TENM3: variants seen among roughly 807,000 people sequenced by gnomAD.
The protein encoded by TENM3 is teneurin transmembrane protein 3, also known as teneurin-3.
A neutral mutation model predicts 255.1 loss-of-function variants in TENM3; 63 were observed. The ratio of observed to expected loss-of-function variants is 0.25; its 90% CI spans 0.20 to 0.30. The LOEUF is 0.30. TENM3 is among the 10% of genes least tolerant of loss of function. The pLI, the probability that TENM3 is intolerant of heterozygous loss-of-function variation, is 1.00. For missense variants in TENM3, 2,929 were observed against 3,461.1 expected (o/e 0.85, Z 3.86); for synonymous variants, 1,306 against 1,322.3 (o/e 0.99, Z 0.27).
intron 1 of TENM3, among the ~76,000 whole-genome samples, chr4:182,296,299 C>T (rs1761493617): frequency 6.6e-6 from 1 of 152,184 alleles, no homozygotes; most frequent in Non-Finnish European, 1.5e-5. Context: ...CTCCAATATA[C>T]TTGTTTCACT....
the TENM3 span, among the ~76,000 whole-genome samples, chr4:181,972,407 C>G: frequency 6.8e-6 from 1 of 148,146 alleles, no homozygotes. Flanking sequence ...TGCACTCCAA[C>G]CCGGATGACA....
intron 13 of TENM3, among the ~76,000 whole-genome samples, chr4:182,726,002 A>G (rs976359358): frequency 2.3e-4 from 35 of 152,180 alleles, no homozygotes; most frequent in African/African-American, 8.2e-4. Context: ...TCAAATGGTT[A>G]ACAACTCATT....
In TENM3 at chr4:182,799,551, C is replaced by T. The variant is rs1766747975; in HGVS notation, c.7345-45C>T. On this transcript the variant is annotated intron_variant, in intron 27 of 27. Coordinates refer to ENST00000511685, the MANE Select transcript of TENM3 (RefSeq NM_001080477.4). The surrounding 1 kb of genome is among the most constrained non-coding windows in gnomAD (Gnocchi z 4.2). ...CGTGTGTGGGTCAGGAGTGGGGAGG[C>T]TCCCGGCCGCCTCTGACGCGCCCCC... 1.3e-5 allele frequency: 20 copies of T among 1,520,890 alleles called. No individual in the cohort carries two copies. The highest frequency in any genetic ancestry group is 1.7e-5 in the Non-Finnish European group (19 of 1,142,602). The allele number at this position is 1,520,890 out of a possible 1,614,324, so 94.2% of individuals were successfully genotyped here. A position where few individuals can be genotyped will look rare whatever the true frequency, so the allele number is the denominator to read the frequency against.
intron 27 of TENM3, 22 bp downstream of exon 27, chr4:182,796,789 G>A (rs780542144): frequency 1.6e-5 from 25 of 1,583,882 alleles, no homozygotes; most frequent in South Asian, 5.8e-5. Context: ...AAAGACCTAC[G>A]GAAAGGTGAT....
intron 1 of TENM3, among the ~76,000 whole-genome samples, chr4:182,168,683 T>G (rs1269243321): frequency 6.6e-6 from 1 of 152,246 alleles, no homozygotes; most frequent in Non-Finnish European, 1.5e-5. Context: ...CATAAAATTA[T>G]TATACTGTAT....
chr4:182,749,095 ATGCCACCACCACTGAAGC>A (rs529692685), intron 19 of TENM3, among the ~76,000 whole-genome samples: 1,604 of 152,238 alleles, frequency 0.011, 30 homozygotes, highest in African/African-American at 0.036. Flanking sequence ...GCTAAAGAGG[ATGCCACCACCACTGAAGC>A]TGCCACCTCA....
At chr4:182,474,968 G>C (rs980413058) in intron 3 of TENM3, among the ~76,000 whole-genome samples, 6 of 147,336 alleles carry the variant, frequency 4.1e-5, no homozygotes, top group African/African-American at 7.5e-5. Flanking sequence ...AGACCTACTC[G>C]TATCTACACA....
the TENM3 span, among the ~76,000 whole-genome samples, chr4:181,683,390 T>C: frequency 5.3e-3 from 814 of 152,272 alleles, 6 homozygotes; most frequent in African/African-American, 0.018. Flanking sequence ...TCCTAGATTA[T>C]GATGGGCCTC....
chr4:182,727,540 C>G (rs1228091547), intron 13 of TENM3, among the ~76,000 whole-genome samples: 1 of 151,894 alleles, frequency 6.6e-6, no homozygotes, highest in Admixed American at 6.6e-5. Flanking sequence ...TGATCATAAC[C>G]TGAAACACTC....
intron 6 of TENM3, among the ~76,000 whole-genome samples, chr4:182,661,300 A>C (rs1473008084): frequency 7.2e-6 from 1 of 139,282 alleles, no homozygotes; most frequent in Non-Finnish European, 1.5e-5. Context: ...ACCTGGGTTC[A>C]TGCCATTCTC....
the TENM3 span, among the ~76,000 whole-genome samples, chr4:182,053,479 T>C: frequency 6.6e-6 from 1 of 152,200 alleles, no homozygotes; most frequent in Non-Finnish European, 1.5e-5. Context: ...TAGGGCATTC[T>C]CATACTGCCT....
chr4:182,094,289 A>G, the TENM3 span, among the ~76,000 whole-genome samples: 1 of 151,492 alleles, frequency 6.6e-6, no homozygotes, highest in South Asian at 2.1e-4. Context: ...TCTGTTCCCT[A>G]GACTGGAGTG....
intron 26 of TENM3, among the ~76,000 whole-genome samples, chr4:182,794,108 CA>C (rs1397446978): frequency 2.0e-5 from 3 of 152,128 alleles, no homozygotes; most frequent in Non-Finnish European, 4.4e-5. Flanking sequence ...CCCAAGGCCA[CA>C]AGTTTTTGAA....
the TENM3 span, among the ~76,000 whole-genome samples, chr4:181,547,758 T>C: frequency 3.3e-3 from 495 of 152,282 alleles, 4 homozygotes; most frequent in African/African-American, 0.011. Context: ...GCTCCAAAGA[T>C]ATCCCAACTT....
chr4:181,640,117 A>T, the TENM3 span, among the ~76,000 whole-genome samples: 1 of 152,172 alleles, frequency 6.6e-6, no homozygotes, highest in Non-Finnish European at 1.5e-5. Flanking sequence ...CAGGGACATC[A>T]AGAAGATGAA....
intron 3 of TENM3, among the ~76,000 whole-genome samples, chr4:182,415,862 G>C (rs781324494): frequency 2.6e-4 from 40 of 152,082 alleles, no homozygotes; most frequent in Non-Finnish European, 5.0e-4. Flanking sequence ...ACACCATATA[G>C]AGTGCAGTTA....
intron 3 of TENM3, among the ~76,000 whole-genome samples, chr4:182,527,908 A>G (rs1321845539): frequency 1.3e-5 from 2 of 151,906 alleles, no homozygotes; most frequent in Non-Finnish European, 2.9e-5. Flanking sequence ...TTGTATTTTT[A>G]GTAGAGACGA....
chr4:181,505,243 C>T, the TENM3 span, among the ~76,000 whole-genome samples: 1 of 152,284 alleles, frequency 6.6e-6, no homozygotes, highest in South Asian at 2.1e-4. Context: ...GTTTGCTCTT[C>T]CCACAGGAAG....
intron 1 of TENM3, among the ~76,000 whole-genome samples, chr4:182,322,387 G>A (rs1763110049): frequency 6.6e-6 from 1 of 152,222 alleles, no homozygotes; most frequent in South Asian, 2.1e-4. Flanking sequence ...GAGAGAGGAG[G>A]GTATAATTTG....
Sources: allele counts gnomAD v4.1 joint callset (sites outside exome capture counted in the v4.1 genomes callset), GRCh38; gene constraint gnomAD v4.1.1; non-coding constraint Gnocchi (gnomAD v3.1); transcripts MANE v1.5; gene names NCBI Gene and HGNC (gene_info 2026-07-23, HGNC 2026-07-21).